Variants in ARHGEF19 observed in about 807,000 individuals in gnomAD.
ARHGEF19 encodes the protein Rho guanine nucleotide exchange factor (GEF) 19.
In ARHGEF19, 92 loss-of-function variants were observed where a neutral mutation model predicts 87.6. The ratio of observed to expected loss-of-function variants is 1.05; its 90% CI spans 0.89 to 1.25. The LOEUF (loss-of-function observed/expected upper bound fraction) is 1.25. Ranked by LOEUF, ARHGEF19 falls within the 50% of genes most tolerant of loss-of-function variation. The probability of loss-of-function intolerance (pLI) is 0.00; values close to 1 mark genes in which losing one functional copy is unlikely to be tolerated. For synonymous variants in ARHGEF19, 438 were observed against 446.2 expected (o/e 0.98, Z 0.23); for missense variants, 1,054 against 1,051.8 (o/e 1.00, Z -0.03).
intron 1 of ARHGEF19, among the ~76,000 whole-genome samples, chr1:16,210,273 CAGGG>C (rs528106255): frequency 1.3e-5 from 2 of 152,006 alleles, no homozygotes; most frequent in Admixed American, 6.6e-5. Flanking sequence ...GTGAGGCAAG[CAGGG>C]AGGGAGGGAG....
In ARHGEF19 at chr1:16,198,375, C is replaced by T; in HGVS notation, c.*212G>A. ...TCCCCATGTCAGAGGAAGAAACTAT[C>T]CTTGGCCTTGAAGTGTGGACACTGA... is the stretch of plus-strand genomic sequence containing the variant. On this transcript the variant is annotated 3_prime_UTR_variant, in exon 16 of 16. Transcript: ENST00000270747. This position sits in a 1 kb window ranked among gnomAD's most constrained non-coding sequence, Gnocchi z 4.1. The T allele has an allele frequency of 2.2e-6, 1 of 452,454 alleles. No homozygotes were observed. The highest frequency in any genetic ancestry group is 3.8e-6 in the Non-Finnish European group (1 of 265,732). The allele number at this position is 452,454 out of a possible 1,614,324, so 28.0% of individuals were successfully genotyped here.
At position 16,206,595 on chromosome 1, in the gene ARHGEF19, C is replaced by CG; in HGVS notation, c.1138-256_1138-255insC. 2 of 535,936 alleles carry CG rather than the reference C, an allele frequency of 3.7e-6. No homozygotes were observed. The highest frequency in any genetic ancestry group is 6.7e-6 in the Non-Finnish European group (2 of 298,564). 33.2% of individuals were successfully genotyped at this position (535,936 alleles called of 1,614,324 possible). ...TTCTTCCCAGAGCCCCGCCCACCCC[C>CG]CAGGTCCCGCCCCTGATCCTGGCCC... is the stretch of plus-strand genomic sequence containing the variant. On this transcript the variant is annotated intron_variant, in intron 6 of 15. Coordinates refer to ENST00000270747, the MANE Select transcript of ARHGEF19 (RefSeq NM_153213.5). This position sits in a 1 kb window ranked among gnomAD's most constrained non-coding sequence, Gnocchi z 4.6.
In ARHGEF19 at chr1:16,208,742, A is replaced by C; in HGVS notation, c.313T>G (p.Cys105Gly). ...AGAGCTGGGGGCTGGGCACCAGGAC[A>C]GTGTGGCCAGCTGCCAGCCCTGCTG... ...RPSRAGSWPH[C>G]PGAQPPALEG... Residue 105 changes from cysteine (C) to glycine (G), a missense_variant, in exon 2 of 16, where the codon TGT becomes GGT. Cys to Gly is a radical substitution (Grantham distance 159, BLOSUM62 -3). Transcript: ENST00000270747. 1 of 1,611,684 alleles carries C rather than the reference A, an allele frequency of 6.2e-7. No individual in the cohort carries two copies. Among genetic ancestry groups the C allele is most frequent in the Non-Finnish European group, 8.5e-7 (1 of 1,179,214 alleles).
chr1:16,209,469 T>C (rs559719536), intron 1 of ARHGEF19, among the ~76,000 whole-genome samples: 25 of 152,328 alleles, frequency 1.6e-4, no homozygotes, highest in African/African-American at 5.3e-4. Flanking sequence ...CACACTGACA[T>C]GTCACCAGAC....
At chr1:16,202,749 G>A (rs2081094458) in intron 12 of ARHGEF19, among the ~76,000 whole-genome samples, 175 bp from the exon 13 acceptor site, 1 of 152,218 alleles carries the variant, frequency 6.6e-6, no homozygotes, top group African/African-American at 2.4e-5. Context: ...AAGGAACCAA[G>A]AGCTCCTTCC....
intron 1 of ARHGEF19, among the ~76,000 whole-genome samples, chr1:16,209,339 T>C (rs2081176883): frequency 6.6e-6 from 1 of 152,180 alleles, no homozygotes; most frequent in African/African-American, 2.4e-5. Flanking sequence ...TTATCCCCAT[T>C]TTATAGGTGA....
intron 14 of ARHGEF19, among the ~76,000 whole-genome samples, chr1:16,200,512 G>A (rs2081076134): frequency 6.6e-6 from 1 of 152,176 alleles, no homozygotes; most frequent in African/African-American, 2.4e-5. Flanking sequence ...GGAGGCTGAG[G>A]CAGGTGAATC....
In ARHGEF19 at chr1:16,207,901, C is replaced by CCGCCGCGGGGGGGCCGG; in HGVS notation, c.694+42_694+43insCCGGCCCCCCCGCGGCG. The CCGCCGCGGGGGGGCCGG allele has an allele frequency of 6.3e-7, 1 of 1,575,246 alleles. No individual in the cohort carries two copies. Among genetic ancestry groups the CCGCCGCGGGGGGGCCGG allele is most frequent in the Non-Finnish European group, 8.6e-7 (1 of 1,159,418 alleles). ...GGGCATCGCCCACCCCCACCCCCAC[C>CCGCCGCGGGGGGGCCGG]CGGCATCTGGCTGCCCTCAGGGCCC... is the stretch of plus-strand genomic sequence containing the variant. On this transcript the variant is annotated intron_variant, in intron 3 of 15. Transcript: ENST00000270747. The surrounding 1 kb of genome is among the most constrained non-coding windows in gnomAD (Gnocchi z 4.0).
chr1:16,202,292 G>A, intron 13 of ARHGEF19, 124 bp downstream of exon 13: 2 of 1,365,240 alleles, frequency 1.5e-6, no homozygotes, highest in Non-Finnish European at 2.0e-6. Flanking sequence ...TTGAGCACTT[G>A]GGGAGGAACA....
intron 1 of ARHGEF19, among the ~76,000 whole-genome samples, chr1:16,210,417 G>A (rs1356010582): frequency 1.3e-5 from 2 of 152,230 alleles, no homozygotes; most frequent in African/African-American, 4.8e-5. Flanking sequence ...GACCAGGAGA[G>A]CCAGGAAATG....
rs1364355743 is a variant in ARHGEF19, at chr1:16,206,549, C to T, written c.1138-209G>A. The T allele has an allele frequency of 3.4e-6, 2 of 596,052 alleles. No homozygotes were observed. Among genetic ancestry groups the T allele is most frequent in the African/African-American group, 3.7e-5 (2 of 53,458 alleles). The allele number at this position is 596,052 out of a possible 1,614,324, so 36.9% of individuals were successfully genotyped here. On this transcript the variant is annotated intron_variant, in intron 6 of 15. Coordinates refer to ENST00000270747, the MANE Select transcript of ARHGEF19 (RefSeq NM_153213.5). The surrounding 1 kb of genome is among the most constrained non-coding windows in gnomAD (Gnocchi z 4.6). Reference sequence around the variant, plus strand: ...TTCCTGTCCTCGATCCCGCCCCTCTCCTAAGCCCCGCCCCGACGCGTTCTT... The same window carrying T: ...TTCCTGTCCTCGATCCCGCCCCTCTTCTAAGCCCCGCCCCGACGCGTTCTT...
At chr1:16,209,668 G>A (rs1210131274) in intron 1 of ARHGEF19, among the ~76,000 whole-genome samples, 3 of 152,006 alleles carry the variant, frequency 2.0e-5, no homozygotes, top group Non-Finnish European at 2.9e-5. Flanking sequence ...TCACAAACAC[G>A]CTGACCCGTC....
Position 16,205,114 on chromosome 1 carries a change from C to T in ARHGEF19, c.1719G>A (p.Leu573=). ...TGCCCTCAAAGTGGATCTTCTTGCT[C>T]AGGTGGATGAGTTCCTCTGTCCTCT... The part of the protein sequence containing the change: ...SMKRTEELIH[L]SKKIHFEGKI... Residue 573 remains leucine, a synonymous_variant, in exon 11 of 16, where the codon CTG becomes CTA. Coordinates refer to ENST00000270747, the MANE Select transcript of ARHGEF19 (RefSeq NM_153213.5). This position sits in a 1 kb window ranked among gnomAD's most constrained non-coding sequence, Gnocchi z 5.8. The T allele has an allele frequency of 6.2e-7, 1 of 1,606,280 alleles. No individual in the cohort carries two copies. The highest frequency in any genetic ancestry group is 8.5e-7 in the Non-Finnish European group (1 of 1,176,454).
intron 1 of ARHGEF19, among the ~76,000 whole-genome samples, chr1:16,209,285 A>G (rs1303845495): frequency 3.3e-5 from 5 of 152,192 alleles, no homozygotes; most frequent in South Asian, 4.1e-4. Context: ...TACACATACT[A>G]TCTCATTTAA....
Position 16,207,706 on chromosome 1 carries a change from C to T in ARHGEF19, c.766G>A (p.Asp256Asn), listed in dbSNP as rs2081155119. 1.2e-6 allele frequency: 2 copies of T among 1,613,954 alleles called. No individual in the cohort carries two copies. Among genetic ancestry groups the T allele is most frequent in the Admixed American group, 1.7e-5 (1 of 60,010 alleles). The change falls in exon 4 of 16, where the codon GAC (aspartate) becomes AAC (asparagine). Residue 256 changes from aspartate to asparagine, a missense_variant. Coordinates refer to ENST00000270747, the MANE Select transcript of ARHGEF19 (RefSeq NM_153213.5). The surrounding 1 kb of genome is among the most constrained non-coding windows in gnomAD (Gnocchi z 4.0). ...TCGGACCAATCGCCCTCTCGTGAGT[C>T]ACCAGGGGCTGGCCGCGACACCCGG... ...GDRVSRPAPG[D>N]SREGDWSEPR...
In ARHGEF19 at chr1:16,198,735, T is replaced by A; in HGVS notation, c.2261A>T (p.Glu754Val). ...CTCACCATCTGCCAGGCGGACCCCTTCCAGCCAGCCTAGGGACACATAGGC... is the reference window on the plus strand; with the variant it reads ...CTCACCATCTGCCAGGCGGACCCCTACCAGCCAGCCTAGGGACACATAGGC... ...VRTWTSDGWL[E>V]GVRLADGEKG... The change falls in exon 16 of 16, where the codon GAA becomes GTA. Residue 754 changes from glutamate to valine, a missense_variant. Transcript: ENST00000270747. This position sits in a 1 kb window ranked among gnomAD's most constrained non-coding sequence, Gnocchi z 4.1. The A allele has an allele frequency of 6.2e-7, 1 of 1,604,742 alleles. No homozygotes were observed. The highest frequency in any genetic ancestry group is 8.5e-7 in the Non-Finnish European group (1 of 1,174,724).
In ARHGEF19 at chr1:16,198,379, G is replaced by A. The variant is rs2081057568; in HGVS notation, c.*208C>T. 4.4e-6 allele frequency: 2 copies of A among 456,672 alleles called. No homozygotes were observed. Among genetic ancestry groups the A allele is most frequent in the African/African-American group, 2.0e-5 (1 of 50,348 alleles). The allele number at this position is 456,672 out of a possible 1,614,324, so 28.3% of individuals were successfully genotyped here. A position where few individuals can be genotyped will look rare whatever the true frequency, so the allele number is the denominator to read the frequency against. On this transcript the variant is annotated 3_prime_UTR_variant, in exon 16 of 16. Transcript: ENST00000270747. The surrounding 1 kb of genome is among the most constrained non-coding windows in gnomAD (Gnocchi z 4.1). ...CATGTCAGAGGAAGAAACTATCCTT[G>A]GCCTTGAAGTGTGGACACTGAGGAG...
Position 16,207,801 on chromosome 1 carries a change from T to TG in ARHGEF19, c.695-25dup, listed in dbSNP as rs34077677. On this transcript the variant is annotated intron_variant, in intron 3 of 15. Coordinates refer to ENST00000270747, the MANE Select transcript of ARHGEF19 (RefSeq NM_153213.5). This position sits in a 1 kb window ranked among gnomAD's most constrained non-coding sequence, Gnocchi z 4.0. ...CCCTGGAGAGGGCGAGAACTGAGGG[T>TG]GGGGGGTCCAGAGAGTGGGCCTGGG... is the stretch of plus-strand genomic sequence containing the variant. 9.9e-6 allele frequency: 16 copies of TG among 1,611,654 alleles called. No homozygotes were observed. Among genetic ancestry groups the TG allele is most frequent in the South Asian group, 2.2e-5 (2 of 90,990 alleles).
At position 16,206,406 on chromosome 1, in the gene ARHGEF19, A is replaced by T; in HGVS notation, c.1138-66T>A. The T allele has an allele frequency of 2.0e-6, 3 of 1,527,338 alleles. No homozygotes were observed. Among genetic ancestry groups the T allele is most frequent in the Non-Finnish European group, 2.7e-6 (3 of 1,125,004 alleles). The allele number at this position is 1,527,338 out of a possible 1,614,324, so 94.6% of individuals were successfully genotyped here. A position where few individuals can be genotyped will look rare whatever the true frequency, so the allele number is the denominator to read the frequency against. The stretch of plus-strand genomic sequence containing the variant: ...TTCACCTCGGAGGCCCTGGCCTCAC[A>T]TCCCCAGACCCCAGGACGCCACACC... On this transcript the variant is annotated intron_variant, in intron 6 of 15. Coordinates refer to ENST00000270747, the MANE Select transcript of ARHGEF19 (RefSeq NM_153213.5). This position sits in a 1 kb window ranked among gnomAD's most constrained non-coding sequence, Gnocchi z 4.6.
Sources: gnomAD v4.1 joint callset for allele counts (sites outside exome capture counted in the v4.1 genomes callset) on GRCh38, gnomAD v4.1.1 for gene constraint, Gnocchi (gnomAD v3.1) non-coding constraint, MANE v1.5 for transcripts, NCBI Gene and HGNC (gene_info 2026-07-23, HGNC 2026-07-21) for gene names.